The following CHCHD3 variants were observed in gnomAD, a reference collection of about 807,000 sequenced individuals.
CHCHD3 encodes the protein MICOS complex subunit MIC19.
CHCHD3 carries 20 observed loss-of-function variants against 38.2 expected under a neutral mutation model. That is an observed-to-expected ratio of 0.52 (90% CI 0.37 to 0.76). The LOEUF is 0.76. CHCHD3 is among the 30% of genes least tolerant of loss of function. The probability of loss-of-function intolerance (pLI) is 0.00; values close to 1 mark genes in which losing one functional copy is unlikely to be tolerated. For synonymous variants in CHCHD3, 82 were observed against 100.0 expected (o/e 0.82, Z 1.07); for missense variants, 245 against 279.2 (o/e 0.88, Z 0.87).
chr7:133,010,749 T>C (rs1562937012), intron 3 of CHCHD3, among the ~76,000 whole-genome samples: 1 of 152,116 alleles, frequency 6.6e-6, no homozygotes, highest in Non-Finnish European at 1.5e-5. Context: ...TGGCTAATTT[T>C]TGTATTTTTA....
intron 4 of CHCHD3, among the ~76,000 whole-genome samples, chr7:132,917,863 A>T (rs952370110): frequency 4.0e-5 from 6 of 151,434 alleles, no homozygotes; most frequent in Non-Finnish European, 8.8e-5. Flanking sequence ...CATCTCAAAA[A>T]AAAAAAAAAA....
chr7:133,030,534 T>C (rs1284308881), intron 2 of CHCHD3, among the ~76,000 whole-genome samples: 2 of 151,372 alleles, frequency 1.3e-5, no homozygotes, highest in Non-Finnish European at 2.9e-5. Context: ...AGAAAAGGAG[T>C]AAAAACAAAA....
At chr7:132,900,238 AG>A (rs1467817040) in intron 4 of CHCHD3, among the ~76,000 whole-genome samples, 1 of 152,278 alleles carries the variant, frequency 6.6e-6, no homozygotes, top group Non-Finnish European at 1.5e-5. Flanking sequence ...ACCAATAATC[AG>A]GCATGTTCAT....
At chr7:132,947,572 T>C (rs1810929086) in intron 4 of CHCHD3, among the ~76,000 whole-genome samples, 1 of 152,048 alleles carries the variant, frequency 6.6e-6, no homozygotes, top group African/African-American at 2.4e-5. Context: ...AAGTTTTACA[T>C]TTAACAGACA....
At chr7:132,918,727 G>A (rs528238132) in intron 4 of CHCHD3, among the ~76,000 whole-genome samples, 1 of 152,162 alleles carries the variant, frequency 6.6e-6, no homozygotes, top group African/African-American at 2.4e-5. Context: ...CCTAATTCAA[G>A]AGCAAGTTTT....
chr7:132,946,329 C>T (rs1311695856), intron 4 of CHCHD3, among the ~76,000 whole-genome samples: 3 of 151,682 alleles, frequency 2.0e-5, no homozygotes, highest in African/African-American at 7.3e-5. Flanking sequence ...AAATAAGCAC[C>T]AAGCAGTGCC....
chr7:133,035,749 C>A lies in CHCHD3; in HGVS notation c.170-11122G>T. Reference sequence around the variant, plus strand: ...CCATCATCACCCTCAAATGCTGGGACCTTGCCGGCAGGAAATTTGCGAAGA... The same window carrying A: ...CCATCATCACCCTCAAATGCTGGGAACTTGCCGGCAGGAAATTTGCGAAGA... On this transcript the variant is annotated intron_variant, in intron 2 of 7. Coordinates refer to ENST00000262570, the MANE Select transcript of CHCHD3 (RefSeq NM_017812.4). The surrounding 1 kb of genome is among the most constrained non-coding windows in gnomAD (Gnocchi z 4.7). The A allele has an allele frequency of 1.9e-6, 3 of 1,613,342 alleles. No individual in the cohort carries two copies. Among genetic ancestry groups the A allele is most frequent in the Non-Finnish European group, 2.5e-6 (3 of 1,179,394 alleles).
chr7:132,953,259 T>C (rs577774305), intron 4 of CHCHD3, among the ~76,000 whole-genome samples: 1 of 152,268 alleles, frequency 6.6e-6, no homozygotes, highest in East Asian at 1.9e-4. Context: ...TAATGAAGAC[T>C]CTGAAGGTGC....
At chr7:132,884,665 C>G (rs1401876550) in intron 5 of CHCHD3, among the ~76,000 whole-genome samples, 1 of 152,080 alleles carries the variant, frequency 6.6e-6, no homozygotes, top group Non-Finnish European at 1.5e-5. Flanking sequence ...GGGTTTCATT[C>G]AAAAGAGAGA....
intron 5 of CHCHD3, among the ~76,000 whole-genome samples, chr7:132,866,702 T>C (rs1239535016): frequency 6.6e-6 from 1 of 152,184 alleles, no homozygotes; most frequent in African/African-American, 2.4e-5. Flanking sequence ...AGAGTGTCAT[T>C]TGAACTCAAC....
At chr7:132,941,510 C>T (rs1810765233) in intron 4 of CHCHD3, among the ~76,000 whole-genome samples, 4 of 152,308 alleles carry the variant, frequency 2.6e-5, no homozygotes, top group South Asian at 2.1e-4. Context: ...AACACCACCA[C>T]CTTATTTCTG....
At chr7:132,878,790 G>T (rs1033932366) in intron 5 of CHCHD3, among the ~76,000 whole-genome samples, 2 of 152,198 alleles carry the variant, frequency 1.3e-5, no homozygotes, top group Non-Finnish European at 2.9e-5. Flanking sequence ...GGATGACTGG[G>T]AAGGCAGTCA....
At chr7:132,978,717 A>C (rs945219357) in intron 3 of CHCHD3, among the ~76,000 whole-genome samples, 1 of 152,182 alleles carries the variant, frequency 6.6e-6, no homozygotes, top group African/African-American at 2.4e-5. Flanking sequence ...AGGCTACATT[A>C]AATAGCCTAC....
intron 2 of CHCHD3, among the ~76,000 whole-genome samples, chr7:133,067,668 C>A (rs1002919671): frequency 1.3e-5 from 2 of 152,206 alleles, no homozygotes; most frequent in Non-Finnish European, 2.9e-5. Flanking sequence ...TGTTTCTGCA[C>A]GACAAGGCAT....
At chr7:133,027,405 A>AGAGGG (rs1813374942) in intron 2 of CHCHD3, among the ~76,000 whole-genome samples, 1 of 98,572 alleles carries the variant, frequency 1.0e-5, no homozygotes, top group Admixed American at 1.0e-4. Context: ...GAGAGGGAGA[A>AGAGGG]AGAAAGAAAT....
chr7:132,818,127 G>A (rs1468562215), intron 6 of CHCHD3, among the ~76,000 whole-genome samples: 1 of 152,138 alleles, frequency 6.6e-6, no homozygotes, highest in Non-Finnish European at 1.5e-5. Context: ...TAACGCTGCT[G>A]CCAGCAGTGC....
Position 132,959,356 on chromosome 7 carries a change from G to C in CHCHD3, c.369+15813C>G, listed in dbSNP as rs57346306. On this transcript the variant is annotated intron_variant, in intron 4 of 7. Transcript: ENST00000262570. ...AGTTGTCTGACTGTCACTTGCTTCT[G>C]TCCTATCTTCAGTGATGTGGGGACA... 4.6e-4 allele frequency among the ~76,000 whole-genome samples: 70 copies of C among 152,304 alleles called. No homozygotes were observed. The East Asian group carries it at 9.1e-3, about 20-fold the overall frequency.
chr7:132,951,470 A>G (rs900769557), intron 4 of CHCHD3, among the ~76,000 whole-genome samples: 2 of 152,206 alleles, frequency 1.3e-5, no homozygotes, highest in African/African-American at 4.8e-5. Flanking sequence ...CCACTGTGGG[A>G]AACACATATA....
chr7:132,815,623 C>A (rs567002846), intron 6 of CHCHD3: 13 of 455,060 alleles, frequency 2.9e-5, no homozygotes, highest in South Asian at 2.0e-4. Context: ...TTTCATTTCA[C>A]CAAACCTGCT....
Sources: allele counts gnomAD v4.1 joint callset (sites outside exome capture counted in the v4.1 genomes callset), GRCh38; gene constraint gnomAD v4.1.1; non-coding constraint Gnocchi (gnomAD v3.1); transcripts MANE v1.5; gene names NCBI Gene and HGNC (gene_info 2026-07-23, HGNC 2026-07-21).